The following COL14A1 variants were observed in gnomAD, a reference collection of about 807,000 sequenced individuals.
The protein encoded by COL14A1 is collagen type XIV alpha 1 chain, also known as collagen alpha-1(XIV) chain.
In COL14A1, 136 loss-of-function variants were observed where a neutral mutation model predicts 230.3. The observed-to-expected ratio is 0.59, with a 90% CI of 0.51 to 0.68. The LOEUF (loss-of-function observed/expected upper bound fraction) is 0.68, where lower values mean the gene tolerates loss of function less well. Ranked by LOEUF, COL14A1 falls within the 30% of genes least tolerant of loss-of-function variation. COL14A1 has a pLI of 0.00. For missense variants in COL14A1, 1,976 were observed against 2,215.8 expected (o/e 0.89, Z 2.17); for synonymous variants, 792 against 784.1 (o/e 1.01, Z -0.17).
chr8:120,272,982 C>G (rs1438203395), intron 26 of COL14A1, among the ~76,000 whole-genome samples: 1 of 151,682 alleles, frequency 6.6e-6, no homozygotes, highest in Non-Finnish European at 1.5e-5. Flanking sequence ...ACAAGAAGTG[C>G]AGAATATACA....
chr8:120,314,349 A>C (rs1821140775), intron 38 of COL14A1, among the ~76,000 whole-genome samples: 1 of 151,634 alleles, frequency 6.6e-6, no homozygotes, highest in Non-Finnish European at 1.5e-5. Context: ...ACATTCAGAA[A>C]GTAACAAATG....
At chr8:120,357,698 T>A (rs1823034169) in intron 45 of COL14A1, among the ~76,000 whole-genome samples, 1 of 152,092 alleles carries the variant, frequency 6.6e-6, no homozygotes, top group South Asian at 2.1e-4. Context: ...TGCCAAGCAG[T>A]ATGACGTCTA....
At chr8:120,340,037 CA>C (rs530829054) in intron 42 of COL14A1, among the ~76,000 whole-genome samples, 29,110 of 77,862 alleles carry the variant, frequency 0.37, 2,523 homozygotes, top group South Asian at 0.44. Flanking sequence ...GACTGCGTCT[CA>C]AAAAAAAAAA....
At chr8:120,359,625 T>C (rs1823119866) in intron 45 of COL14A1, among the ~76,000 whole-genome samples, 1 of 152,190 alleles carries the variant, frequency 6.6e-6, no homozygotes, top group Non-Finnish European at 1.5e-5. Context: ...GGAAATAATA[T>C]AATAGCTCTT....
chr8:120,189,559 G>T (rs1816750893), intron 5 of COL14A1, among the ~76,000 whole-genome samples: 1 of 150,880 alleles, frequency 6.6e-6, no homozygotes, highest in Non-Finnish European at 1.5e-5. Context: ...ATGTATACAT[G>T]TGCCATGCTG....
chr8:120,228,104 C>T (rs1012859299), intron 17 of COL14A1, among the ~76,000 whole-genome samples: 6 of 152,094 alleles, frequency 3.9e-5, no homozygotes, highest in African/African-American at 1.4e-4. Flanking sequence ...CCTTGCATCC[C>T]CAGTCGCTGG....
At chr8:120,169,432 G>A (rs1816029052) in intron 5 of COL14A1, among the ~76,000 whole-genome samples, 1 of 151,872 alleles carries the variant, frequency 6.6e-6, no homozygotes, top group Non-Finnish European at 1.5e-5. Context: ...TATATCATTT[G>A]TTTAATTTAC....
intron 2 of COL14A1, among the ~76,000 whole-genome samples, chr8:120,154,125 A>G (rs1435988482): frequency 6.6e-6 from 1 of 152,224 alleles, no homozygotes; most frequent in Admixed American, 6.5e-5. Flanking sequence ...CTAGCGTTTT[A>G]ATAAACAAAT....
chr8:120,257,364 A>G (rs1300130518), intron 23 of COL14A1, among the ~76,000 whole-genome samples: 1 of 152,230 alleles, frequency 6.6e-6, no homozygotes, highest in South Asian at 2.1e-4. Context: ...CATTTCATTC[A>G]CACAGTTGTC....
chr8:120,304,564 A>C (rs1004332893), intron 36 of COL14A1, among the ~76,000 whole-genome samples: 2 of 152,164 alleles, frequency 1.3e-5, no homozygotes, highest in Non-Finnish European at 2.9e-5. Flanking sequence ...TTGGCTTGTT[A>C]CGTGAATCAT....
chr8:120,281,842 T>C (rs1820050806), intron 31 of COL14A1, among the ~76,000 whole-genome samples: 1 of 152,224 alleles, frequency 6.6e-6, no homozygotes, highest in African/African-American at 2.4e-5. Context: ...ATGGTTCAAA[T>C]GGCTTTTATC....
chr8:120,167,427 C>A (rs1815941221), intron 4 of COL14A1, among the ~76,000 whole-genome samples: 1 of 152,186 alleles, frequency 6.6e-6, no homozygotes, highest in Non-Finnish European at 1.5e-5. Flanking sequence ...GCAGAGACCA[C>A]TGACATTTGG....
In COL14A1 at chr8:120,372,756, G is replaced by T. The variant is rs1394101554; in HGVS notation, c.*1525G>T. 3.5e-5 allele frequency among the ~76,000 whole-genome samples: 5 copies of T among 142,274 alleles called. No individual in the cohort carries two copies. In the East Asian group the frequency reaches 1.2e-3, roughly 35 times the overall value. The allele number at this position is 142,274 out of a possible 152,430, so 93.3% of individuals were successfully genotyped here. A position where few individuals can be genotyped will look rare whatever the true frequency, so the allele number is the denominator to read the frequency against. On this transcript the variant is annotated 3_prime_UTR_variant, in exon 48 of 48. Coordinates refer to ENST00000297848, the MANE Select transcript of COL14A1 (RefSeq NM_021110.4). ...TCATCTTCATCTGAAGGATTCTTCA[G>T]ATGATTCATCTTCAGACTTCATCTG...
Position 120,228,373 on chromosome 8 carries a change from C to T in COL14A1, c.2138-337C>T, listed in dbSNP as rs73704128. Among the ~76,000 whole-genome samples the T allele has an allele frequency of 9.3e-4, 142 of 152,342 alleles. 1 individual carries two copies. The highest frequency in any genetic ancestry group is 3.3e-3 in the African/African-American group (136 of 41,572). On this transcript the variant is annotated intron_variant, in intron 17 of 47. Transcript: ENST00000297848. The stretch of plus-strand genomic sequence containing the variant: ...GGCAGCCTTTTCACAACTTGGTCTA[C>T]AGCACTGTCTAATTTCCCTTAATTA...
intron 1 of COL14A1, among the ~76,000 whole-genome samples, chr8:120,138,622 C>T (rs1814788866): frequency 6.6e-6 from 1 of 152,146 alleles, no homozygotes; most frequent in Non-Finnish European, 1.5e-5. Flanking sequence ...AGAGTTTTTT[C>T]CTCCTATGTC....
At chr8:120,169,644 T>A (rs1816035011) in intron 5 of COL14A1, among the ~76,000 whole-genome samples, 1 of 152,122 alleles carries the variant, frequency 6.6e-6, no homozygotes, top group South Asian at 2.1e-4. Context: ...TAATTTGCCT[T>A]GCAACTTTAT....
At chr8:120,194,814 CA>C (rs1422194129) in intron 5 of COL14A1, among the ~76,000 whole-genome samples, 1 of 152,110 alleles carries the variant, frequency 6.6e-6, no homozygotes, top group Non-Finnish European at 1.5e-5. Flanking sequence ...CCCATAAAAA[CA>C]GAGAAAAATG....
At chr8:120,193,508 A>T (rs1392449822) in intron 5 of COL14A1, among the ~76,000 whole-genome samples, 7 of 152,200 alleles carry the variant, frequency 4.6e-5, no homozygotes. Context: ...TCAGGGACCC[A>T]CTTGAGGAGG....
chr8:120,226,893 G>T (rs1219085280), intron 16 of COL14A1, 127 bp downstream of exon 16: 1 of 844,526 alleles, frequency 1.2e-6, no homozygotes, highest in African/African-American at 1.7e-5. Context: ...ACATGGCTTG[G>T]AGTTTTAGAA....
Sources: allele counts gnomAD v4.1 joint callset (sites outside exome capture counted in the v4.1 genomes callset), GRCh38; gene constraint gnomAD v4.1.1; transcripts MANE v1.5; gene names NCBI Gene and HGNC (gene_info 2026-07-23, HGNC 2026-07-21).